The following SND1 variants were observed in gnomAD, a reference collection of about 807,000 sequenced individuals.
SND1 encodes staphylococcal nuclease domain-containing protein 1.
Under a neutral mutation model 121.7 loss-of-function variants are expected in SND1, and 38 were observed. The observed-to-expected ratio is 0.31, with a 90% CI of 0.24 to 0.41. SND1 has a LOEUF of 0.41. Ranked by LOEUF, SND1 falls within the 10% of genes least tolerant of loss-of-function variation. SND1 has a pLI of 1.00. For synonymous variants in SND1, 401 were observed against 447.4 expected, an observed-to-expected ratio of 0.90 and a Z score of 1.31; for missense variants, 868 against 1,184.6, an observed-to-expected ratio of 0.73 and a Z score of 3.92.
intron 16 of SND1, among the ~76,000 whole-genome samples, chr7:128,020,567 C>T (rs6973092): frequency 0.39 from 58,585 of 152,012 alleles, 11,627 homozygotes; most frequent in South Asian, 0.5. Flanking sequence ...TTCTCATTGC[C>T]CTCTCCATAT....
chr7:127,832,241 C>T (rs1798754113), intron 11 of SND1, among the ~76,000 whole-genome samples: 1 of 152,194 alleles, frequency 6.6e-6, no homozygotes, highest in Non-Finnish European at 1.5e-5. Context: ...CACATTTGTA[C>T]ATACATCTTT....
At chr7:128,076,013 G>A (rs1404164546) in intron 17 of SND1, among the ~76,000 whole-genome samples, 1 of 152,226 alleles carries the variant, frequency 6.6e-6, no homozygotes, top group Non-Finnish European at 1.5e-5. Flanking sequence ...GTTAGCAGCT[G>A]GGGGTAGAGC....
intron 2 of SND1, among the ~76,000 whole-genome samples, chr7:127,692,126 A>G (rs1795930648): frequency 6.6e-6 from 1 of 152,186 alleles, no homozygotes; most frequent in South Asian, 2.1e-4. Flanking sequence ...ATGTTGGGTC[A>G]TTTACCTAGT....
At position 127,695,718 on chromosome 7, in the gene SND1, C is replaced by T. The variant is rs530633806; in HGVS notation, c.349+770C>T. 3.7e-4 allele frequency among the ~76,000 whole-genome samples: 57 copies of T among 152,098 alleles called. No individual in the cohort carries two copies. The South Asian group carries it at 0.01, about 27-fold the overall frequency. ...GCGCACGCCTGTAGTCGTAGCTACT[C>T]GGGAGGCTGAGGTGGGAGAATCACC... On this transcript the variant is annotated intron_variant, in intron 3 of 23. Coordinates refer to ENST00000354725, the MANE Select transcript of SND1 (RefSeq NM_014390.4).
chr7:127,805,582 C>T (rs1798220446), intron 10 of SND1, among the ~76,000 whole-genome samples: 1 of 152,148 alleles, frequency 6.6e-6, no homozygotes, highest in Non-Finnish European at 1.5e-5. Flanking sequence ...TTTGTATGTG[C>T]TAGAGGCATG....
chr7:128,077,839 C>T (rs771305212), intron 17 of SND1, among the ~76,000 whole-genome samples: 14 of 152,252 alleles, frequency 9.2e-5, no homozygotes, highest in Non-Finnish European at 1.8e-4. Context: ...GCCATAGAGG[C>T]TCTTCCCCAG....
chr7:127,656,254 C>T (rs1476419336), intron 1 of SND1, among the ~76,000 whole-genome samples: 2 of 151,964 alleles, frequency 1.3e-5, no homozygotes, highest in East Asian at 3.9e-4. Flanking sequence ...GGAAATCCCA[C>T]CTATAATTCA....
Position 128,029,674 on chromosome 7 carries a change from A to G in SND1, c.1779+38618A>G. The G allele has an allele frequency of 6.2e-7, 1 of 1,613,890 alleles. No individual in the cohort carries two copies. Among genetic ancestry groups the G allele is most frequent in the Non-Finnish European group, 8.5e-7 (1 of 1,179,966 alleles). On this transcript the variant is annotated intron_variant, in intron 16 of 23. Coordinates refer to ENST00000354725, the MANE Select transcript of SND1 (RefSeq NM_014390.4). This position sits in a 1 kb window ranked among gnomAD's most constrained non-coding sequence, Gnocchi z 4.2. ...GCATGACAGCGGCCACAGCAGGTGGAATTGGTGGGTATATACTCTCGAAGC... is the reference window on the plus strand; with the variant it reads ...GCATGACAGCGGCCACAGCAGGTGGGATTGGTGGGTATATACTCTCGAAGC...
chr7:127,792,765 A>T (rs978617089), intron 10 of SND1, among the ~76,000 whole-genome samples: 15 of 152,114 alleles, frequency 9.9e-5, no homozygotes, highest in Non-Finnish European at 1.8e-4. Flanking sequence ...GAATCTGAGG[A>T]GGTGTGATAA....
rs565084376 is a variant in SND1, at chr7:127,940,347, C to T, written c.1669+11018C>T. 1.1e-3 allele frequency among the ~76,000 whole-genome samples: 171 copies of T among 152,316 alleles called. 1 individual carries two copies. The highest frequency in any genetic ancestry group is 3.8e-3 in the African/African-American group (160 of 41,566). On this transcript the variant is annotated intron_variant, in intron 15 of 23. Transcript: ENST00000354725. ...TTGTCAACCTGTGGGCATTTCCCAGCAGCCACTTAGTAGTAATGTTGACAA... is the reference window on the plus strand; with the variant it reads ...TTGTCAACCTGTGGGCATTTCCCAGTAGCCACTTAGTAGTAATGTTGACAA...
At chr7:127,822,557 C>G (rs950612268) in intron 11 of SND1, among the ~76,000 whole-genome samples, 3 of 151,734 alleles carry the variant, frequency 2.0e-5, no homozygotes, top group Admixed American at 6.6e-5. Context: ...CTCATTTTTT[C>G]AATCATAAAA....
chr7:127,823,209 C>T (rs564070121), intron 11 of SND1, among the ~76,000 whole-genome samples: 125 of 152,166 alleles, frequency 8.2e-4, no homozygotes, highest in African/African-American at 2.9e-3. Context: ...GCCTTATTTC[C>T]CTTAAACCCC....
intron 15 of SND1, among the ~76,000 whole-genome samples, chr7:127,962,488 C>G (rs76229429): frequency 3.3e-5 from 5 of 152,152 alleles, no homozygotes; most frequent in Non-Finnish European, 7.4e-5. Flanking sequence ...AATGGCAAAG[C>G]GTAGGCTTTA....
At chr7:127,967,139 G>A (rs1007747190) in intron 15 of SND1, among the ~76,000 whole-genome samples, 6 of 152,178 alleles carry the variant, frequency 3.9e-5, no homozygotes, top group African/African-American at 1.4e-4. Flanking sequence ...CCCAGTGGGT[G>A]TTGCACAGTC....
intron 14 of SND1, among the ~76,000 whole-genome samples, chr7:127,913,216 A>G (rs1316456946): frequency 1.3e-5 from 2 of 152,204 alleles, no homozygotes; most frequent in Non-Finnish European, 2.9e-5. Context: ...TCCTCCCAGT[A>G]TAATCAGTAG....
chr7:127,808,785 TCTC>T (rs1563020977), intron 11 of SND1, among the ~76,000 whole-genome samples: 1 of 152,208 alleles, frequency 6.6e-6, no homozygotes, highest in African/African-American at 2.4e-5. Context: ...AATTTCTAGA[TCTC>T]CTGTTATCTG....
intron 12 of SND1, among the ~76,000 whole-genome samples, chr7:127,863,932 G>T (rs960128350): frequency 1.3e-5 from 2 of 152,104 alleles, no homozygotes; most frequent in African/African-American, 4.8e-5. Context: ...GTGGAGATAG[G>T]AATATACGAT....
chr7:127,749,852 A>G (rs979856180), intron 10 of SND1, among the ~76,000 whole-genome samples: 18 of 152,208 alleles, frequency 1.2e-4, no homozygotes, highest in Admixed American at 3.3e-4. Context: ...CAAGCCTGCA[A>G]TGCCAACAAT....
chr7:127,714,851 T>C (rs761562395), intron 9 of SND1, among the ~76,000 whole-genome samples: 7 of 152,274 alleles, frequency 4.6e-5, no homozygotes, highest in Non-Finnish European at 7.3e-5. Flanking sequence ...GTAAATAATA[T>C]TCCATTGTAT....
Sources: allele counts gnomAD v4.1 joint callset (sites outside exome capture counted in the v4.1 genomes callset), GRCh38; gene constraint gnomAD v4.1.1; non-coding constraint Gnocchi (gnomAD v3.1); transcripts MANE v1.5; gene names NCBI Gene and HGNC (gene_info 2026-07-23, HGNC 2026-07-21).